ASB4: variants seen among roughly 807,000 people sequenced by gnomAD.
ASB4 encodes ankyrin repeat and SOCS box containing 4.
A neutral mutation model predicts 38.6 loss-of-function variants in ASB4; 35 were observed. The ratio of observed to expected loss-of-function variants is 0.91; its 90% confidence interval spans 0.69 to 1.20. The LOEUF (loss-of-function observed/expected upper bound fraction) is 1.20, where lower values mean the gene tolerates loss of function less well. Among genes scored for constraint, ASB4 ranks in the 50% most tolerant of loss-of-function variants. The pLI is 0.00. For missense variants in ASB4, 557 were observed against 527.2 expected (o/e 1.06, Z -0.55); for synonymous variants, 195 against 201.3 (o/e 0.97, Z 0.26).
chr7:95,506,834 G>A (rs1252130238), intron 2 of ASB4, among the ~76,000 whole-genome samples: 2 of 151,194 alleles, frequency 1.3e-5, no homozygotes, highest in Non-Finnish European at 2.9e-5. Context: ...TTATTTCCTG[G>A]GTGAGTTCTT....
the ASB4 span, among the ~76,000 whole-genome samples, chr7:95,473,269 C>T: frequency 6.6e-6 from 1 of 152,232 alleles, no homozygotes; most frequent in East Asian, 1.9e-4. Context: ...CTAGCATTTA[C>T]TATGCCCTAG....
chr7:95,488,064 G>A (rs1300764015), intron 1 of ASB4, among the ~76,000 whole-genome samples: 2 of 152,218 alleles, frequency 1.3e-5, no homozygotes, highest in South Asian at 4.1e-4. Flanking sequence ...TCTTCAGGCC[G>A]GGAGTGGTGG....
At chr7:95,482,368 T>G (rs1664397252), upstream of ASB4, among the ~76,000 whole-genome samples, 1 of 152,210 alleles carries the variant, frequency 6.6e-6, no homozygotes, top group Non-Finnish European at 1.5e-5. Flanking sequence ...CATCCAGATA[T>G]TAAAGCAATG....
chr7:95,515,207 TTCTTTCTTTC>T (rs1790546350), intron 2 of ASB4, among the ~76,000 whole-genome samples: 2 of 132,498 alleles, frequency 1.5e-5, no homozygotes, highest in Non-Finnish European at 3.1e-5. Context: ...CTTTCTTTCT[TTCTTTCTTTC>T]TTTCTTTCTT....
chr7:95,540,684 T>C (rs1223353921), downstream of ASB4, among the ~76,000 whole-genome samples: 1 of 152,210 alleles, frequency 6.6e-6, no homozygotes, highest in Non-Finnish European at 1.5e-5. Context: ...TTCTGAAACT[T>C]ACATGAGAGG....
rs1188879951 is a variant in ASB4 at position 95,536,511 on chromosome 7, C to A, written c.1053C>A (p.Asn351Lys). 1 of 1,612,964 alleles carries A rather than the reference C, an allele frequency of 6.2e-7. No individual in the cohort carries two copies. Among genetic ancestry groups the A allele is most frequent in the Non-Finnish European group, 8.5e-7 (1 of 1,179,176 alleles). ...VVNAYEHIRW[N>K]TKWRRAIPDD... The stretch of plus-strand genomic sequence containing the variant: ...ATGCCTATGAACACATCAGATGGAA[C>A]ACAAAGTGGAGAAGAGCTATCCCCG... The change falls in exon 4 of 5, where the codon AAC (asparagine) becomes AAA (lysine). Residue 351 changes from asparagine (N) to lysine (K), a missense_variant. Transcript: ENST00000325885.
At chr7:95,476,915 T>G (rs1789983035), upstream of ASB4, among the ~76,000 whole-genome samples, 1 of 152,254 alleles carries the variant, frequency 6.6e-6, no homozygotes, top group African/African-American at 2.4e-5. Flanking sequence ...CAATGTTTAA[T>G]TTATGTATTT....
rs1219155059 is a variant in ASB4 at position 95,527,956 on chromosome 7, C to A, written c.631C>A (p.Pro211Thr). ...CAGCGTGAATGCCCACATGGAGACC[C>A]CCCTGGCCATCGCCGCCTACTGGGC... ...VDSVNAHMETPLAIAAYWALR... is the reference protein window; with the variant it reads ...VDSVNAHMETTLAIAAYWALR... The change falls in exon 3 of 5, where the codon CCC becomes ACC. Residue 211 changes from proline to threonine, a missense_variant. By Grantham distance (38) the Pro-to-Thr change is conservative. Transcript: ENST00000325885. 1.9e-6 allele frequency: 3 copies of A among 1,614,140 alleles called. No individual in the cohort carries two copies. The highest frequency in any genetic ancestry group is 3.3e-5 in the Admixed American group (2 of 60,024).
chr7:95,530,245 G>C (rs1700002119), intron 3 of ASB4, among the ~76,000 whole-genome samples: 1 of 151,962 alleles, frequency 6.6e-6, no homozygotes, highest in African/African-American at 2.4e-5. Context: ...CGGATTGCTT[G>C]AGTTCAGGAG....
At chr7:95,513,253 GTTTTTT>G (rs536945120) in intron 2 of ASB4, among the ~76,000 whole-genome samples, 1 of 77,024 alleles carries the variant, frequency 1.3e-5, no homozygotes, top group Non-Finnish European at 2.3e-5. Flanking sequence ...TTTTTTGTTT[GTTTTTT>G]TTTTTTTTTT....
At chr7:95,488,862 CA>C (rs540291550) in intron 1 of ASB4, among the ~76,000 whole-genome samples, 206 of 152,300 alleles carry the variant, frequency 1.4e-3, no homozygotes, top group Non-Finnish European at 2.4e-3. Context: ...CTTCAGGTTT[CA>C]GTTATTTTTG....
chr7:95,510,499 A>G (rs1470962442), intron 2 of ASB4, among the ~76,000 whole-genome samples: 1 of 152,264 alleles, frequency 6.6e-6, no homozygotes, highest in Non-Finnish European at 1.5e-5. Flanking sequence ...AAGGGTTAAA[A>G]TAATAGAAAT....
At chr7:95,488,292 G>T (rs112368124) in intron 1 of ASB4, among the ~76,000 whole-genome samples, 1 of 152,146 alleles carries the variant, frequency 6.6e-6, no homozygotes, top group Non-Finnish European at 1.5e-5. Context: ...AGTGAGCCCA[G>T]ATGGCGCCAC....
At chr7:95,530,708 G>T (rs1190163394) in intron 3 of ASB4, among the ~76,000 whole-genome samples, 1 of 152,112 alleles carries the variant, frequency 6.6e-6, no homozygotes, top group East Asian at 1.9e-4. Context: ...TAAGCTGTGG[G>T]AATGTTCTTG....
intron 2 of ASB4, among the ~76,000 whole-genome samples, chr7:95,515,145 TTTTCTTTCTTTCTTTCTCTTTCTC>T (rs1790536551): frequency 2.5e-5 from 2 of 80,942 alleles, no homozygotes; most frequent in African/African-American, 1.0e-4. Flanking sequence ...AAGCAATTGT[TTTTCTTTCTTTCTTTCTCTTTCTC>T]TTTCTTTCTT....
chr7:95,547,859 T>C, the ASB4 span, among the ~76,000 whole-genome samples: 2 of 152,230 alleles, frequency 1.3e-5, no homozygotes, highest in Non-Finnish European at 2.9e-5. Context: ...AAACATTAAC[T>C]CTTCCCTGGG....
chr7:95,490,320 T>A (rs1220950428), intron 1 of ASB4, among the ~76,000 whole-genome samples: 1 of 152,242 alleles, frequency 6.6e-6, no homozygotes, highest in Non-Finnish European at 1.5e-5. Context: ...CCCATTTCCA[T>A]CCTAGGGTTC....
intron 2 of ASB4, among the ~76,000 whole-genome samples, chr7:95,517,353 T>A (rs1320360568): frequency 6.6e-6 from 1 of 152,124 alleles, no homozygotes; most frequent in Non-Finnish European, 1.5e-5. Flanking sequence ...TAGTTCTTTA[T>A]GTATTCTAGA....
upstream of ASB4, among the ~76,000 whole-genome samples, chr7:95,484,446 T>G (rs1790056949): frequency 1.3e-5 from 2 of 152,238 alleles, no homozygotes; most frequent in Non-Finnish European, 2.9e-5. Context: ...CAGGTAAACT[T>G]GAACTAGTCT....
Sources: allele counts gnomAD v4.1 joint callset (sites outside exome capture counted in the v4.1 genomes callset), GRCh38; gene constraint gnomAD v4.1.1; transcripts MANE v1.5; gene names NCBI Gene and HGNC (gene_info 2026-07-23, HGNC 2026-07-21).